Variants in SPEG observed in about 807,000 individuals in gnomAD.
The protein encoded by SPEG is striated muscle preferentially expressed protein kinase.
SPEG carries 114 observed loss-of-function variants against 300.4 expected under a neutral mutation model. That is an observed-to-expected ratio of 0.38 (90% CI 0.33 to 0.44). The LOEUF is 0.44. Ranked by LOEUF, SPEG falls within the 20% of genes least tolerant of loss-of-function variation. SPEG has a pLI of 1.00. For missense variants in SPEG, 4,201 were observed against 4,586.2 expected, an observed-to-expected ratio of 0.92 and a Z score of 2.43; for synonymous variants, 1,964 against 2,018.9, an observed-to-expected ratio of 0.97 and a Z score of 0.73.
chr2:219,490,357 G>A (rs1272033670), intron 36 of SPEG, 52 bp from the exon 37 acceptor site: 2 of 1,576,652 alleles, frequency 1.3e-6, no homozygotes, highest in Non-Finnish European at 1.7e-6. Flanking sequence ...CACTATGGAA[G>A]TGTCCCCCTC....
Position 219,479,752 on chromosome 2 carries a change from C to A in SPEG, c.5086-31C>A. 1 of 1,608,360 alleles carries A rather than the reference C, an allele frequency of 6.2e-7. No homozygotes were observed. The highest frequency in any genetic ancestry group is 8.5e-7 in the Non-Finnish European group (1 of 1,175,296). ...GTGTTCAGACATACACCACCCTTCCCCCTCAGACTCTGGGCCCACTATTTC... is the reference window on the plus strand; with the variant it reads ...GTGTTCAGACATACACCACCCTTCCACCTCAGACTCTGGGCCCACTATTTC... On this transcript the variant is annotated intron_variant, in intron 23 of 40. Transcript: ENST00000312358. The surrounding 1 kb of genome is among the most constrained non-coding windows in gnomAD (Gnocchi z 5.5).
At chr2:219,438,647 C>T in intron 1 of SPEG, among the ~76,000 whole-genome samples, 1 of 152,188 alleles carries the variant, frequency 6.6e-6, no homozygotes, top group East Asian at 1.9e-4. Context: ...AAGAGCAGAC[C>T]TGCACTAAAG....
intron 31 of SPEG, among the ~76,000 whole-genome samples, chr2:219,486,549 C>T (rs1010401739): frequency 8.5e-5 from 13 of 152,118 alleles, no homozygotes; most frequent in Admixed American, 3.3e-4. Flanking sequence ...GGAAAGAAAG[C>T]GATCAGCCAG....
At chr2:219,472,675 C>T in intron 15 of SPEG, among the ~76,000 whole-genome samples, 1 of 152,202 alleles carries the variant, frequency 6.6e-6, no homozygotes, top group Non-Finnish European at 1.5e-5. Flanking sequence ...TCAATTCCAG[C>T]CCCATCTGTG....
Position 219,469,041 on chromosome 2 carries a change from G to A in SPEG, c.3484G>A (p.Gly1162Ser), listed in dbSNP as rs757257751. 2.4e-5 allele frequency: 38 copies of A among 1,612,026 alleles called. No homozygotes were observed. The highest frequency in any genetic ancestry group is 2.7e-5 in the Non-Finnish European group (32 of 1,179,040). Reference protein sequence around the residue: ...YVEEPRTAASGPSSKLEKMPS... With the variant: ...YVEEPRTAASSPSSKLEKMPS... The stretch of plus-strand genomic sequence containing the variant: ...AGAAGAGCCCCGGACAGCCGCCTCA[G>A]GCCCCAGGTACCACCGGGGCCCCAA... The change falls in exon 12 of 41, where the codon GGC (glycine) becomes AGC (serine). Residue 1162 changes from glycine to serine, a missense_variant. Coordinates refer to ENST00000312358, the MANE Select transcript of SPEG (RefSeq NM_005876.5).
At chr2:219,460,302 C>T (rs1342828934) in intron 6 of SPEG, 3 of 985,376 alleles carry the variant, frequency 3.0e-6, no homozygotes, top group Non-Finnish European at 3.6e-6. Context: ...CTCCGATTTT[C>T]GGGGCCAAAG....
intron 6 of SPEG, chr2:219,460,858 G>A (rs1359614540): frequency 1.0e-6 from 1 of 986,316 alleles, no homozygotes. Flanking sequence ...GAGTGGGGCT[G>A]GGCAGGCTGG....
chr2:219,489,694 A>T lies in SPEG; in HGVS notation c.8676A>T (p.Lys2892Asn). Residue 2892 changes from lysine to asparagine, a missense_variant, in exon 36 of 41, where the codon AAA becomes AAT. Physicochemically the swap from Lys to Asn is moderately conservative, Grantham distance 94 (BLOSUM62 0). This residue lies in a region of SPEG where 1,578 missense variants were observed against 1,506.0 expected (regional missense o/e 1.05). Transcript: ENST00000312358. ...PIPASTPQGV[K>N]PVSSSTPVYV... ...CAGCCTCCACTCCTCAAGGGGTTAA[A>T]CCAGTGTCTTCCTCTACTCCTGTGT... The T allele has an allele frequency of 6.2e-7, 1 of 1,614,046 alleles. No homozygotes were observed. Among genetic ancestry groups the T allele is most frequent in the Non-Finnish European group, 8.5e-7 (1 of 1,179,992 alleles).
chr2:219,444,416 C>T lies in SPEG; in HGVS notation c.389-237C>T, dbSNP rs952707808. Among the ~76,000 whole-genome samples the T allele has an allele frequency of 5.3e-5, 8 of 151,880 alleles. No individual in the cohort carries two copies. Among genetic ancestry groups the T allele is most frequent in the Non-Finnish European group, 2.9e-5 (2 of 67,952 alleles). On this transcript the variant is annotated intron_variant, in intron 1 of 40. Coordinates refer to ENST00000312358, the MANE Select transcript of SPEG (RefSeq NM_005876.5). This position sits in a 1 kb window ranked among gnomAD's most constrained non-coding sequence, Gnocchi z 7.8. The stretch of plus-strand genomic sequence containing the variant: ...GGGGGTGGCAGTTTGGAGGGCCCTA[C>T]GGAGGTAAACGTGAGTAACCAGGGG...
chr2:219,470,044 GC>G (rs1158048244), intron 13 of SPEG, among the ~76,000 whole-genome samples: 12 of 152,110 alleles, frequency 7.9e-5, no homozygotes, highest in African/African-American at 2.9e-4. Context: ...GAGAAGGTCT[GC>G]CCCCCTCCCA....
chr2:219,445,100 G>C lies in SPEG; in HGVS notation c.754G>C (p.Ala252Pro). 6.2e-7 allele frequency: 1 copy of C among 1,601,404 alleles called. No homozygotes were observed. Among genetic ancestry groups the C allele is most frequent in the Non-Finnish European group, 8.5e-7 (1 of 1,174,280 alleles). Residue 252 changes from alanine to proline, a missense_variant, in exon 3 of 41, where the codon GCC becomes CCC. Physicochemically the swap from Ala to Pro is conservative, Grantham distance 27. Around this residue, in one of 4 missense-constraint regions of SPEG, gnomAD observed 1,258 missense variants for 1,293.9 expected, o/e 0.97. Transcript: ENST00000312358. This position sits in a 1 kb window ranked among gnomAD's most constrained non-coding sequence, Gnocchi z 6.1. ...SWGSEDSLSVASDLYGSAFSL... is the reference protein window; with the variant it reads ...SWGSEDSLSVPSDLYGSAFSL... ...GGGGTCAGAGGATAGCCTTTCCGTG[G>C]CCAGTGACCTGTACGGCAGCGCATT...
chr2:219,456,340 G>A (rs1049644674), intron 6 of SPEG, among the ~76,000 whole-genome samples: 10 of 152,250 alleles, frequency 6.6e-5, no homozygotes, highest in African/African-American at 2.2e-4. Context: ...AGTGGCTGCC[G>A]TTGGGGAGGA....
At position 219,483,586 on chromosome 2, in the gene SPEG, G is replaced by T; in HGVS notation, c.6123G>T (p.Pro2041=). The change falls in exon 30 of 41, where the codon CCG becomes CCT. Residue 2041 remains proline (P), a synonymous_variant. Transcript: ENST00000312358. ...GLHKAASVEL[P]QRRSPSPGAT... ...ACAAGGCGGCGTCTGTGGAGCTGCCGCAGCGCCGGAGCCCCAGCCCGGGAG... is the reference window on the plus strand; with the variant it reads ...ACAAGGCGGCGTCTGTGGAGCTGCCTCAGCGCCGGAGCCCCAGCCCGGGAG... The T allele has an allele frequency of 2.0e-6, 3 of 1,470,590 alleles. No homozygotes were observed. The highest frequency in any genetic ancestry group is 2.8e-5 in the East Asian group (1 of 36,038). The allele number at this position is 1,470,590 out of a possible 1,614,324, so 91.1% of individuals were successfully genotyped here.
At position 219,474,001 on chromosome 2, in the gene SPEG, C is replaced by T. The variant is rs1692125271; in HGVS notation, c.4447+98C>T. 12 of 1,299,546 alleles carry T rather than the reference C, an allele frequency of 9.2e-6. 1 individual carries two copies. In the South Asian group the frequency reaches 1.5e-4, roughly 16 times the overall value. The allele number at this position is 1,299,546 out of a possible 1,614,324, so 80.5% of individuals were successfully genotyped here. A position where few individuals can be genotyped will look rare whatever the true frequency, so the allele number is the denominator to read the frequency against. ...CAACCTGCCTGACACTGCTGCAGAT[C>T]CAAACCCATGTCCTCTGGTCAGGCC... On this transcript the variant is annotated intron_variant, in intron 18 of 40. Coordinates refer to ENST00000312358, the MANE Select transcript of SPEG (RefSeq NM_005876.5).
At position 219,473,090 on chromosome 2, in the gene SPEG, G is replaced by C; in HGVS notation, c.4141G>C (p.Glu1381Gln). The part of the protein sequence containing the change: ...SPPSEPVQLL[E>Q]HGPTLEEAPA... ...CCCTTCTGAGCCTGTGCAGCTGCTG[G>C]AGCACGGTGAGCCTGGGTGCTCCTG... Residue 1381 changes from glutamate (E) to glutamine (Q), a missense_variant, in exon 16 of 41, where the codon GAG (glutamate) becomes CAG (glutamine). This residue lies in a region of SPEG where 1,047 missense variants were observed against 1,356.8 expected (regional missense o/e 0.77). Coordinates refer to ENST00000312358, the MANE Select transcript of SPEG (RefSeq NM_005876.5). The surrounding 1 kb of genome is among the most constrained non-coding windows in gnomAD (Gnocchi z 4.6). 1 of 1,613,470 alleles carries C rather than the reference G, an allele frequency of 6.2e-7. No individual in the cohort carries two copies. Among genetic ancestry groups the C allele is most frequent in the Non-Finnish European group, 8.5e-7 (1 of 1,179,938 alleles).
chr2:219,449,527 A>G (rs535562030), intron 4 of SPEG, among the ~76,000 whole-genome samples: 1 of 152,176 alleles, frequency 6.6e-6, no homozygotes, highest in African/African-American at 2.4e-5. Flanking sequence ...TGAGGCTGAG[A>G]TGTGAGCTAA....
intron 6 of SPEG, chr2:219,460,333 C>G (rs1690555467): frequency 1.0e-6 from 1 of 985,278 alleles, no homozygotes; most frequent in Non-Finnish European, 1.2e-6. Flanking sequence ...TGCCCTGGCT[C>G]TGTAGTATTT....
rs1310697787 is a variant in SPEG, at chr2:219,477,359, G to C, written c.4643G>C (p.Gly1548Ala). 1.4e-5 allele frequency: 22 copies of C among 1,613,230 alleles called. No individual in the cohort carries two copies. The highest frequency in any genetic ancestry group is 1.8e-5 in the Non-Finnish European group (21 of 1,179,774). The change falls in exon 20 of 41, where the codon GGG (glycine) becomes GCG (alanine). Residue 1548 changes from glycine to alanine, a missense_variant. Transcript: ENST00000312358. This position sits in a 1 kb window ranked among gnomAD's most constrained non-coding sequence, Gnocchi z 6.4. The part of the protein sequence containing the change: ...NECSLVVLST[G>A]AQDGGVYTCT... ...TGCTCCCTGGTGGTGCTCAGCACGG[G>C]GGCCCAGGATGGAGGCGTCTACACC... is the stretch of plus-strand genomic sequence containing the variant.
At position 219,448,349 on chromosome 2, in the gene SPEG, C is replaced by G. The variant is rs758190080; in HGVS notation, c.1191C>G (p.Gly397=). Reference sequence around the variant, plus strand: ...GATCGCCTAGGCTGGTGCGCGCCGGCTCCCGCATCCTGGACAAGCTGCAGT... The same window carrying G: ...GATCGCCTAGGCTGGTGCGCGCCGGGTCCCGCATCCTGGACAAGCTGCAGT... ...LGRSPRLVRA[G]SRILDKLQFF... The change falls in exon 4 of 41, where the codon GGC becomes GGG. Residue 397 remains glycine, a synonymous_variant. Transcript: ENST00000312358. 54 of 1,587,284 alleles carry G rather than the reference C, an allele frequency of 3.4e-5. No homozygotes were observed. In the African/African-American group the frequency reaches 4.2e-4, roughly 12 times the overall value.
Sources: gnomAD v4.1 joint callset for allele counts (sites outside exome capture counted in the v4.1 genomes callset) on GRCh38, gnomAD v4.1.1 for gene constraint, gnomAD v4.1.1 regional missense constraint, Gnocchi (gnomAD v3.1) non-coding constraint, MANE v1.5 for transcripts, NCBI Gene and HGNC (gene_info 2026-07-23, HGNC 2026-07-21) for gene names.